DPYSL5: variants seen among roughly 807,000 people sequenced by gnomAD.
DPYSL5 encodes dihydropyrimidinase-related protein 5.
DPYSL5 carries 9 observed loss-of-function variants against 58.4 expected under a neutral mutation model. The observed-to-expected ratio is 0.15, with a 90% CI of 0.09 to 0.27. The LOEUF (loss-of-function observed/expected upper bound fraction) is 0.27. DPYSL5 is among the 10% of genes least tolerant of loss of function. The probability of loss-of-function intolerance (pLI) is 1.00; values close to 1 mark genes in which losing one functional copy is unlikely to be tolerated. For synonymous variants in DPYSL5, 293 were observed against 301.9 expected (o/e 0.97, Z 0.31); for missense variants, 499 against 770.6 (o/e 0.65, Z 4.17).
chr2:26,865,312 C>CTTTTT (rs1192892146), intron 1 of DPYSL5, among the ~76,000 whole-genome samples: 1 of 89,586 alleles, frequency 1.1e-5, no homozygotes. Context: ...GTTTTGTGTT[C>CTTTTT]TTTTTTTTTT....
At chr2:26,852,593 GCCTCCCT>G (rs1269007913) in intron 1 of DPYSL5, among the ~76,000 whole-genome samples, 1 of 152,056 alleles carries the variant, frequency 6.6e-6, no homozygotes, top group Non-Finnish European at 1.5e-5. Context: ...TTGTTCCCTC[GCCTCCCT>G]CCTCCCTCGT....
In DPYSL5 at chr2:26,898,377, G is replaced by T; in HGVS notation, c.-4-119G>T. The T allele has an allele frequency of 2.1e-6, 3 of 1,420,866 alleles. No individual in the cohort carries two copies. The highest frequency in any genetic ancestry group is 2.9e-6 in the Non-Finnish European group (3 of 1,044,244). 88.0% of individuals were successfully genotyped at this position (1,420,866 alleles called of 1,614,324 possible). ...TGACTCCCGCTGGCTGTAGGGGAAAGTTCCTCCTCTTCTCTGCTCACTTAC... is the reference window on the plus strand; with the variant it reads ...TGACTCCCGCTGGCTGTAGGGGAAATTTCCTCCTCTTCTCTGCTCACTTAC... On this transcript the variant is annotated intron_variant, in intron 1 of 12. Transcript: ENST00000288699. This position sits in a 1 kb window ranked among gnomAD's most constrained non-coding sequence, Gnocchi z 6.1.
At chr2:26,863,318 TG>T (rs1666063556) in intron 1 of DPYSL5, among the ~76,000 whole-genome samples, 1 of 152,224 alleles carries the variant, frequency 6.6e-6, no homozygotes, top group South Asian at 2.1e-4. Flanking sequence ...CAGTTTCAGC[TG>T]CTGACCAGGA....
In DPYSL5 at chr2:26,934,954, G is replaced by T. The variant is rs529947082; in HGVS notation, c.947+220G>T. Among the ~76,000 whole-genome samples the T allele has an allele frequency of 5.3e-5, 8 of 152,310 alleles. No homozygotes were observed. In the South Asian group the frequency reaches 1.7e-3, roughly 32 times the overall value. The stretch of plus-strand genomic sequence containing the variant: ...ATCTTCTGAAGTATAAGAGTGAAGA[G>T]CACATATAGAACTGTGAACCGTGGT... On this transcript the variant is annotated intron_variant, in intron 8 of 12. Transcript: ENST00000288699. This position sits in a 1 kb window ranked among gnomAD's most constrained non-coding sequence, Gnocchi z 4.3.
In DPYSL5 at chr2:26,913,810, C is replaced by T. The variant is rs186345420; in HGVS notation, c.262-11077C>T. Among the ~76,000 whole-genome samples, 113 of 152,292 alleles carry T rather than the reference C, an allele frequency of 7.4e-4. 2 individuals carry two copies. Among genetic ancestry groups the T allele is most frequent in the African/African-American group, 2.5e-3 (103 of 41,554 alleles). The stretch of plus-strand genomic sequence containing the variant: ...CCTGGGACTCGCTGATCTGCCATGT[C>T]TGGGAATTCACCCAATTCATTCCAG... On this transcript the variant is annotated intron_variant, in intron 2 of 12. Coordinates refer to ENST00000288699, the MANE Select transcript of DPYSL5 (RefSeq NM_020134.4).
At chr2:26,910,196 A>G (rs911943149) in intron 2 of DPYSL5, among the ~76,000 whole-genome samples, 2 of 152,256 alleles carry the variant, frequency 1.3e-5, no homozygotes, top group Admixed American at 6.5e-5. Context: ...GTGAACATTC[A>G]TATACATATA....
At chr2:26,888,291 T>G (rs796355674) in intron 1 of DPYSL5, among the ~76,000 whole-genome samples, 25 of 122,184 alleles carry the variant, frequency 2.0e-4, no homozygotes, top group Admixed American at 6.2e-4. Flanking sequence ...CTTTCTTTCT[T>G]TCTTTCATCT....
Position 26,859,527 on chromosome 2 carries a change from G to A in DPYSL5, c.-5+11273G>A, listed in dbSNP as rs370420096. On this transcript the variant is annotated intron_variant, in intron 1 of 12. Transcript: ENST00000288699. ...TCTAATCAGCCTTAATTGGCAAGTT[G>A]GTCATTGAAGAATTTGTGTGAAAGT... Among the ~76,000 whole-genome samples the A allele has an allele frequency of 6.6e-5, 10 of 152,136 alleles. No individual in the cohort carries two copies. The East Asian group carries it at 1.9e-3, about 29-fold the overall frequency.
At chr2:26,871,908 G>T (rs1319978891) in intron 1 of DPYSL5, among the ~76,000 whole-genome samples, 1 of 152,078 alleles carries the variant, frequency 6.6e-6, no homozygotes, top group African/African-American at 2.4e-5. Flanking sequence ...TAAATACAAT[G>T]AAAGCCAACA....
At chr2:26,881,743 C>T (rs1369857121) in intron 1 of DPYSL5, among the ~76,000 whole-genome samples, 1 of 152,062 alleles carries the variant, frequency 6.6e-6, no homozygotes, top group East Asian at 1.9e-4. Flanking sequence ...TCTTACGACT[C>T]AGAAATAAAG....
chr2:26,941,616 A>G (rs1665323797), intron 9 of DPYSL5, among the ~76,000 whole-genome samples: 1 of 152,200 alleles, frequency 6.6e-6, no homozygotes, highest in Non-Finnish European at 1.5e-5. Context: ...TATCACCCTT[A>G]GTAGATGAAG....
intron 1 of DPYSL5, among the ~76,000 whole-genome samples, chr2:26,868,369 G>GTGTT (rs1399664503): frequency 6.6e-6 from 1 of 152,152 alleles, no homozygotes; most frequent in Non-Finnish European, 1.5e-5. Context: ...TTGTGTGTGT[G>GTGTT]TGTGGCCTCT....
In DPYSL5 at chr2:26,948,205, G is replaced by A. The variant is rs1665540323; in HGVS notation, c.*1210G>A. The A allele has an allele frequency of 6.6e-6, 1 of 152,416 alleles. No homozygotes were observed. Among genetic ancestry groups the A allele is most frequent in the Non-Finnish European group, 1.5e-5 (1 of 68,182 alleles). 9.4% of individuals were successfully genotyped at this position (152,416 alleles called of 1,614,324 possible). On this transcript the variant is annotated 3_prime_UTR_variant, in exon 13 of 13. Transcript: ENST00000288699. ...CCTCATGCCTGCTGAGAGAGGAGGA[G>A]TGGGAGAGGGGCTTGCCAGACACCA...
In DPYSL5 at chr2:26,927,102, G is replaced by A. The variant is rs1664845814; in HGVS notation, c.421-151G>A. 1.3e-6 allele frequency: 1 copy of A among 743,820 alleles called. No individual in the cohort carries two copies. Among genetic ancestry groups the A allele is most frequent in the Non-Finnish European group, 2.1e-6 (1 of 469,060 alleles). The allele number at this position is 743,820 out of a possible 1,614,324, so 46.1% of individuals were successfully genotyped here. A position where few individuals can be genotyped will look rare whatever the true frequency, so the allele number is the denominator to read the frequency against. On this transcript the variant is annotated intron_variant, in intron 3 of 12. Transcript: ENST00000288699. This position sits in a 1 kb window ranked among gnomAD's most constrained non-coding sequence, Gnocchi z 4.3. ...GTGGCCTCACAGCAGCCTGTGGGGTGGGAGGAAAGTGAGATAGAGAGGTGT... is the reference window on the plus strand; with the variant it reads ...GTGGCCTCACAGCAGCCTGTGGGGTAGGAGGAAAGTGAGATAGAGAGGTGT...
chr2:26,858,042 G>C (rs1665921098), intron 1 of DPYSL5, among the ~76,000 whole-genome samples: 1 of 152,138 alleles, frequency 6.6e-6, no homozygotes, highest in African/African-American at 2.4e-5. Context: ...CTCCTAACTT[G>C]GCTGGTTTTT....
intron 8 of DPYSL5, chr2:26,939,783 A>G (rs1665269919): frequency 2.1e-6 from 1 of 469,178 alleles, no homozygotes; most frequent in East Asian, 3.7e-5. Context: ...AAACATTGCT[A>G]TCCCAAGGCT....
chr2:26,947,631 G>A lies in DPYSL5; in HGVS notation c.*636G>A, dbSNP rs576683489. 6.5e-6 allele frequency: 1 copy of A among 152,890 alleles called. No individual in the cohort carries two copies. The highest frequency in any genetic ancestry group is 2.4e-5 in the African/African-American group (1 of 41,582). The allele number at this position is 152,890 out of a possible 1,614,324, so 9.5% of individuals were successfully genotyped here. On this transcript the variant is annotated 3_prime_UTR_variant, in exon 13 of 13. Transcript: ENST00000288699. The surrounding 1 kb of genome is among the most constrained non-coding windows in gnomAD (Gnocchi z 4.2). ...GGGTCACAGGCCCAGAAGGGTAGCT[G>A]GGCGGGGCTCGAGGCTGGTGCCAGG...
chr2:26,917,166 T>C (rs1237625994), intron 2 of DPYSL5, among the ~76,000 whole-genome samples: 1 of 152,182 alleles, frequency 6.6e-6, no homozygotes, highest in Non-Finnish European at 1.5e-5. Flanking sequence ...GAGCTGGAAT[T>C]TAAACGTAGA....
At chr2:26,921,537 G>C (rs1182654067) in intron 2 of DPYSL5, among the ~76,000 whole-genome samples, 1 of 152,168 alleles carries the variant, frequency 6.6e-6, no homozygotes, top group African/African-American at 2.4e-5. Context: ...CACTAAAAAG[G>C]TCTGTCACAT....
Sources: allele counts gnomAD v4.1 joint callset (sites outside exome capture counted in the v4.1 genomes callset), GRCh38; gene constraint gnomAD v4.1.1; non-coding constraint Gnocchi (gnomAD v3.1); transcripts MANE v1.5; gene names NCBI Gene and HGNC (gene_info 2026-07-23, HGNC 2026-07-21).